The following PHF8 variants were observed in gnomAD, a reference collection of about 807,000 sequenced individuals.
PHF8 encodes the protein PHD finger protein 8.
In PHF8, 9 loss-of-function variants were observed where a neutral mutation model predicts 74.4. The observed-to-expected ratio is 0.12, with a 90% CI of 0.07 to 0.21. The LOEUF (loss-of-function observed/expected upper bound fraction) is 0.21. Ranked by LOEUF, PHF8 falls within the 10% of genes least tolerant of loss-of-function variation. PHF8 has a pLI of 1.00. For synonymous variants in PHF8, 311 were observed against 316.6 expected, an observed-to-expected ratio of 0.98 and a Z score of 0.19; for missense variants, 478 against 816.6, an observed-to-expected ratio of 0.59 and a Z score of 5.05.
At chrX:54,036,113 A>AG (rs2066450630) in intron 2 of PHF8, among the ~76,000 whole-genome samples, 1 of 108,973 alleles carries the variant, frequency 9.2e-6, no homozygotes, top group Admixed American at 9.8e-5. Context: ...AAAAAAAAAA[A>AG]AAAAAAAGAA....
In PHF8 at chrX:53,938,348, G is replaced by A. The variant is rs1557082408; in HGVS notation, c.*810C>T. The A allele has an allele frequency of 2.5e-5, 24 of 942,322 alleles. No homozygotes were observed. Among genetic ancestry groups the A allele is most frequent in the Non-Finnish European group, 2.9e-5 (22 of 756,193 alleles). 77.7% of individuals were successfully genotyped at this position (942,322 alleles called of 1,213,427 possible). ...CCACAGCCACAGCCACGTGGATAAT[G>A]TTCTACATGATTTCAAAATCCAGGC... On this transcript the variant is annotated 3_prime_UTR_variant, in exon 22 of 22. Transcript: ENST00000338154.
intron 8 of PHF8, among the ~76,000 whole-genome samples, chrX:54,009,595 A>G (rs1261984839): frequency 9.1e-6 from 1 of 109,642 alleles, no homozygotes; most frequent in Admixed American, 9.8e-5. Flanking sequence ...CTGTAATCCC[A>G]GCACTTTGGG....
intron 11 of PHF8, among the ~76,000 whole-genome samples, chrX:53,996,120 CTTT>C (rs1160168507): frequency 9.7e-6 from 1 of 103,177 alleles, no homozygotes; most frequent in African/African-American, 3.5e-5. Flanking sequence ...CATTATGAGA[CTTT>C]TTTTTTTTTT....
rs185808184 is a variant in PHF8, at chrX:54,000,108, T to A, written c.1142-147A>T. 40 of 503,342 alleles carry A rather than the reference T, an allele frequency of 7.9e-5. 1 individual carries two copies. The highest frequency in any genetic ancestry group is 4.2e-4 in the Admixed American group (15 of 35,984). 41.5% of individuals were successfully genotyped at this position (503,342 alleles called of 1,213,427 possible). On this transcript the variant is annotated intron_variant, in intron 10 of 21. Transcript: ENST00000338154. ...AGTTCTTCTGATAGTGTTCATTCACTGAGTACCTACTAAGTGCTAGGAATG... is the reference window on the plus strand; with the variant it reads ...AGTTCTTCTGATAGTGTTCATTCACAGAGTACCTACTAAGTGCTAGGAATG...
At chrX:54,011,872 AAAAAAAAAAGAAAG>A (rs2065988023) in intron 7 of PHF8, among the ~76,000 whole-genome samples, 1 of 109,924 alleles carries the variant, frequency 9.1e-6, no homozygotes, top group Non-Finnish European at 1.9e-5. Flanking sequence ...CAAAAAAAAA[AAAAAAAAAAGAAAG>A]AAACAAAAAC....
chrX:53,982,919 T>C (rs1386938435), intron 18 of PHF8, among the ~76,000 whole-genome samples: 4 of 112,405 alleles, frequency 3.6e-5, no homozygotes, highest in Non-Finnish European at 7.5e-5. Context: ...GATGGCTGGA[T>C]GCAGTGGCTC....
chrX:53,948,235 CT>C (rs2149778655), intron 19 of PHF8, among the ~76,000 whole-genome samples: 1 of 111,850 alleles, frequency 8.9e-6, no homozygotes, highest in East Asian at 2.8e-4. Context: ...TTATTACTAA[CT>C]TTGGTAAGTA....
chrX:54,021,456 T>TA (rs1557109813), intron 4 of PHF8, among the ~76,000 whole-genome samples: 33 of 50,349 alleles, frequency 6.6e-4, no homozygotes, highest in Middle Eastern at 8.3e-3. Context: ...TTGCAATTAT[T>TA]TTTTTTTTTT....
chrX:53,991,008 G>A (rs1004251828), intron 14 of PHF8, among the ~76,000 whole-genome samples: 2 of 111,174 alleles, frequency 1.8e-5, no homozygotes, highest in African/African-American at 6.5e-5. Context: ...AACGTTCTAC[G>A]TATATTATCT....
At position 53,940,209 on chromosome X, in the gene PHF8, A is replaced by G; in HGVS notation, c.2957T>C (p.Val986Ala). 1 of 1,186,698 alleles carries G rather than the reference A, an allele frequency of 8.4e-7. No individual in the cohort carries two copies. The highest frequency in any genetic ancestry group is 1.1e-6 in the Non-Finnish European group (1 of 882,464). The change falls in exon 21 of 22, where the codon GTT becomes GCT. Residue 986 changes from valine to alanine, a missense_variant. By Grantham distance (64) the Val-to-Ala change is moderately conservative. Coordinates refer to ENST00000338154, the MANE Select transcript of PHF8 (RefSeq NM_015107.3). ...GVFLTQRRPS[V>A]GSQSNQAGQG... ...TCCTGCCTGATTGCTCTGGGAGCCA[A>G]CTGAAGGGCGCCGCTGGGTCAAGAA...
chrX:53,945,044 A>G (rs2064811762), intron 19 of PHF8, among the ~76,000 whole-genome samples: 1 of 107,478 alleles, frequency 9.3e-6, no homozygotes, highest in South Asian at 4.1e-4. Flanking sequence ...TAATAATAGT[A>G]ATAAAATAAT....
intron 18 of PHF8, among the ~76,000 whole-genome samples, chrX:53,971,226 C>T (rs1279109140): frequency 2.7e-5 from 3 of 111,653 alleles, no homozygotes; most frequent in African/African-American, 6.5e-5. Flanking sequence ...CAACCTGCTC[C>T]TGAATGACTC....
chrX:54,033,155 C>T (rs903654255), intron 2 of PHF8, among the ~76,000 whole-genome samples: 1 of 110,823 alleles, frequency 9.0e-6, no homozygotes, highest in Non-Finnish European at 1.9e-5. Flanking sequence ...GCCACCGGAG[C>T]GCAGTGTCTG....
At chrX:53,954,789 T>C (rs894251916) in intron 19 of PHF8, among the ~76,000 whole-genome samples, 5 of 110,694 alleles carry the variant, frequency 4.5e-5, no homozygotes, top group Non-Finnish European at 9.4e-5. Flanking sequence ...AGCACTATAG[T>C]ATATTTCATT....
At position 54,010,432 on chromosome X, in the gene PHF8, T is replaced by C. The variant is rs73634942; in HGVS notation, c.946+690A>G. ...TGATCGCAACTTATTTAATATGAAA[T>C]AGAAAATCTGAATAACCTTAAAGAT... On this transcript the variant is annotated intron_variant, in intron 8 of 21. Transcript: ENST00000338154. Among the ~76,000 whole-genome samples the C allele has an allele frequency of 3.2e-3, 362 of 112,288 alleles. 3 individuals carry two copies. The highest frequency in any genetic ancestry group is 0.011 in the African/African-American group (342 of 30,939).
At position 53,938,288 on chromosome X, in the gene PHF8, G is replaced by A; in HGVS notation, c.*870C>T. 9.7e-7 allele frequency: 1 copy of A among 1,029,794 alleles called. No homozygotes were observed. Among genetic ancestry groups the A allele is most frequent in the Non-Finnish European group, 1.2e-6 (1 of 808,929 alleles). The allele number at this position is 1,029,794 out of a possible 1,213,427, so 84.9% of individuals were successfully genotyped here. On this transcript the variant is annotated 3_prime_UTR_variant, in exon 22 of 22. Coordinates refer to ENST00000338154, the MANE Select transcript of PHF8 (RefSeq NM_015107.3). ...TTGGCAGGTGCTTTCAGGTTTCTGGGAGATGGTTTTCCACCTGCCAGGGCC... is the reference window on the plus strand; with the variant it reads ...TTGGCAGGTGCTTTCAGGTTTCTGGAAGATGGTTTTCCACCTGCCAGGGCC...
chrX:53,940,241 G>A lies in PHF8; in HGVS notation c.2925C>T (p.Pro975=), dbSNP rs1306439960. ...GGCGCCGCTGGGTCAAGAAGACACC[G>A]GGGGCCATAGGTGTGGTGCTGCGGT... ...QANRSTTPMA[P]GVFLTQRRPS... is the part of the protein sequence containing the mutation. The change falls in exon 21 of 22, where the codon CCC becomes CCT. Residue 975 remains proline, a synonymous_variant. Transcript: ENST00000338154. 6 of 1,193,941 alleles carry A rather than the reference G, an allele frequency of 5.0e-6. No individual in the cohort carries two copies. Among genetic ancestry groups the A allele is most frequent in the South Asian group, 1.8e-5 (1 of 54,601 alleles).
At chrX:53,943,278 A>G (rs2064779942) in intron 20 of PHF8, 10 of 938,307 alleles carry the variant, frequency 1.1e-5, no homozygotes, top group Non-Finnish European at 1.5e-5. Context: ...ACTGAACTAC[A>G]TAAGCATTTA....
At chrX:53,977,296 C>G (rs1407360500) in intron 18 of PHF8, among the ~76,000 whole-genome samples, 2 of 112,216 alleles carry the variant, frequency 1.8e-5, no homozygotes, top group Non-Finnish European at 3.8e-5. Context: ...GATCGTGCCA[C>G]TGCACTCCAG....
Sources: gnomAD v4.1 joint callset for allele counts (sites outside exome capture counted in the v4.1 genomes callset) on GRCh38, gnomAD v4.1.1 for gene constraint, MANE v1.5 for transcripts, NCBI Gene and HGNC (gene_info 2026-07-23, HGNC 2026-07-21) for gene names.